Variants in SH3RF2 observed in about 807,000 individuals in gnomAD.
SH3RF2 encodes the protein E3 ubiquitin-protein ligase SH3RF2.
Under a neutral mutation model 59.0 loss-of-function variants are expected in SH3RF2, and 43 were observed. The ratio of observed to expected loss-of-function variants is 0.73; its 90% CI spans 0.57 to 0.94. SH3RF2 has a LOEUF of 0.94. Ranked by LOEUF, SH3RF2 falls within the 40% of genes least tolerant of loss-of-function variation. The probability of loss-of-function intolerance (pLI) is 0.00; values close to 1 mark genes in which losing one functional copy is unlikely to be tolerated. For missense variants in SH3RF2, 930 were observed against 940.1 expected (o/e 0.99, Z 0.14); for synonymous variants, 391 against 391.5 (o/e 1.00, Z 0.01).
chr5:145,952,289 T>C (rs1028668823), intron 2 of SH3RF2, among the ~76,000 whole-genome samples: 23 of 152,122 alleles, frequency 1.5e-4, no homozygotes, highest in Non-Finnish European at 2.6e-4. Context: ...CCAGGAAGAA[T>C]TGCCACAATC....
chr5:146,055,713 A>C (rs1046950418), intron 7 of SH3RF2: 1 of 499,982 alleles, frequency 2.0e-6, no homozygotes, highest in Non-Finnish European at 3.6e-6. Flanking sequence ...AAAAGGATGA[A>C]ATTCAAGTCT....
At chr5:146,049,366 T>G in intron 7 of SH3RF2, 121 bp downstream of exon 7, 6 of 1,142,064 alleles carry the variant, frequency 5.3e-6, no homozygotes, top group East Asian at 2.4e-5. Context: ...AAAGCGCTTT[T>G]TGCTCTATAA....
chr5:146,014,180 C>T lies in SH3RF2; in HGVS notation c.1059+119C>T, dbSNP rs188619188. On this transcript the variant is annotated intron_variant, in intron 5 of 9. Transcript: ENST00000359120. ...AGCACCCAGAATGCCCTACTAGTAACTAATGCCATATGTATTCCATGTTAG... is the reference window on the plus strand; with the variant it reads ...AGCACCCAGAATGCCCTACTAGTAATTAATGCCATATGTATTCCATGTTAG... The T allele has an allele frequency of 1.6e-4, 149 of 961,230 alleles. No homozygotes were observed. The Middle Eastern group carries it at 2.4e-3, about 15-fold the overall frequency. 59.5% of individuals were successfully genotyped at this position (961,230 alleles called of 1,614,324 possible).
Position 146,047,786 on chromosome 5 carries a change from C to T in SH3RF2, c.1074C>T (p.His358=), listed in dbSNP as rs1015032410. ...TGTCTGTGCAGGTCAGCACTTATCA[C>T]CCCGCACCTGTCTCTCCAGGACATT... ...SSCVGQVSTY[H]PAPVSPGHST... The change falls in exon 6 of 10, where the codon CAC becomes CAT. Residue 358 remains histidine, a synonymous_variant. Transcript: ENST00000359120. 1.2e-6 allele frequency: 2 copies of T among 1,614,146 alleles called. No homozygotes were observed. The highest frequency in any genetic ancestry group is 1.7e-6 in the Non-Finnish European group (2 of 1,180,018).
At chr5:146,039,332 C>T (rs1762048752) in intron 5 of SH3RF2, among the ~76,000 whole-genome samples, 1 of 152,076 alleles carries the variant, frequency 6.6e-6, no homozygotes, top group Non-Finnish European at 1.5e-5. Context: ...CATCAAAAGA[C>T]ACCACAGAGT....
chr5:145,977,723 C>T (rs922442872), intron 2 of SH3RF2, among the ~76,000 whole-genome samples: 75 of 152,314 alleles, frequency 4.9e-4, no homozygotes, highest in African/African-American at 1.8e-3. Flanking sequence ...CAGGATTTGG[C>T]CCTTAGCTCA....
chr5:145,982,681 T>C (rs1458567668), intron 2 of SH3RF2, among the ~76,000 whole-genome samples: 1 of 152,150 alleles, frequency 6.6e-6, no homozygotes, highest in Non-Finnish European at 1.5e-5. Context: ...GAAGTTTCTG[T>C]CCTCACAAAG....
chr5:145,987,825 T>C (rs567903923), intron 2 of SH3RF2, among the ~76,000 whole-genome samples: 8 of 152,304 alleles, frequency 5.3e-5, no homozygotes, highest in Admixed American at 4.6e-4. Flanking sequence ...TACCCCTCTC[T>C]CCTAAGCTTC....
chr5:146,075,583 G>A (rs1472462717), intron 9 of SH3RF2, among the ~76,000 whole-genome samples: 1 of 151,992 alleles, frequency 6.6e-6, no homozygotes, highest in Non-Finnish European at 1.5e-5. Context: ...GGCCAAGGCG[G>A]GTGGATCAAC....
intron 5 of SH3RF2, among the ~76,000 whole-genome samples, chr5:146,023,289 A>C (rs1580875389): frequency 6.6e-6 from 1 of 151,274 alleles, no homozygotes; most frequent in African/African-American, 2.4e-5. Flanking sequence ...GCTCACTGCG[A>C]CCTCCGCCTC....
At chr5:146,081,664 A>T (rs1049787783) in exon 10 of SH3RF2, 19 of 152,212 alleles carry the variant, frequency 1.2e-4, no homozygotes, top group African/African-American at 4.6e-4. Context: ...ACGTGCAGAG[A>T]TTACTCGAGC....
chr5:146,003,980 C>A, intron 3 of SH3RF2, 78 bp from the exon 4 acceptor site: 1 of 1,230,342 alleles, frequency 8.1e-7, no homozygotes, highest in African/African-American at 1.5e-5. Context: ...CCATCTGAGA[C>A]TCCAAACTGA....
At chr5:145,948,087 CT>C (rs1240418335) in intron 2 of SH3RF2, among the ~76,000 whole-genome samples, 2 of 152,126 alleles carry the variant, frequency 1.3e-5, no homozygotes. Flanking sequence ...GTATGGAGGA[CT>C]TACTATGTGT....
At chr5:146,050,243 A>G (rs1043979360) in intron 7 of SH3RF2, 5 of 152,220 alleles carry the variant, frequency 3.3e-5, no homozygotes, top group African/African-American at 1.2e-4. Context: ...AGGGCAGTAA[A>G]TTTGTTCTGA....
At chr5:146,030,345 T>C (rs951613926) in intron 5 of SH3RF2, among the ~76,000 whole-genome samples, 1 of 152,144 alleles carries the variant, frequency 6.6e-6, no homozygotes, top group African/African-American at 2.4e-5. Context: ...GAGCATATAC[T>C]CAGGTGACAA....
At chr5:146,063,711 T>C (rs1360999447), downstream of SH3RF2, among the ~76,000 whole-genome samples, 1 of 151,968 alleles carries the variant, frequency 6.6e-6, no homozygotes. Flanking sequence ...AATACAAAAA[T>C]TAGCCAGGCA....
chr5:145,981,095 TTTC>T lies in SH3RF2; in HGVS notation c.379-18960_379-18958del, dbSNP rs1421494884. Among the ~76,000 whole-genome samples the T allele has an allele frequency of 3.3e-5, 5 of 152,166 alleles. No homozygotes were observed. In the East Asian group the frequency reaches 9.6e-4, roughly 29 times the overall value. Reference sequence around the variant, plus strand: ...CAGTGTCTAAATTTCCTCAATTTTTTTTCTTTTTTCTTTTTTTGAGGCAGGGTC... The same window carrying T: ...CAGTGTCTAAATTTCCTCAATTTTTTTTTTTTCTTTTTTTGAGGCAGGGTC... On this transcript the variant is annotated intron_variant, in intron 2 of 9. Coordinates refer to ENST00000359120, the MANE Select transcript of SH3RF2 (RefSeq NM_152550.4).
chr5:145,936,806 A>G (rs1229387494), intron 1 of SH3RF2, 112 bp downstream of exon 1: 1 of 152,298 alleles, frequency 6.6e-6, no homozygotes, highest in African/African-American at 2.4e-5. Context: ...TGTCCTGCTT[A>G]CTAGTCGCTA....
intron 2 of SH3RF2, among the ~76,000 whole-genome samples, chr5:145,947,092 T>C (rs1758027762): frequency 6.6e-6 from 1 of 151,472 alleles, no homozygotes; most frequent in East Asian, 1.9e-4. Context: ...CAGAACTTTT[T>C]CATCACCCCA....
Sources: allele counts gnomAD v4.1 joint callset (sites outside exome capture counted in the v4.1 genomes callset), GRCh38; gene constraint gnomAD v4.1.1; transcripts MANE v1.5; gene names NCBI Gene and HGNC (gene_info 2026-07-23, HGNC 2026-07-21).